USP13: variants seen among roughly 807,000 people sequenced by gnomAD.
USP13 encodes ubiquitin carboxyl-terminal hydrolase 13.
In USP13, 68 loss-of-function variants were observed where a neutral mutation model predicts 107.8. That is an observed-to-expected ratio of 0.63 (90% CI 0.52 to 0.77). The LOEUF is 0.77. Among genes scored for constraint, USP13 ranks in the 30% least tolerant of loss-of-function variants. The pLI, the probability that USP13 is intolerant of heterozygous loss-of-function variation, is 0.00. For missense variants in USP13, 945 were observed against 1,093.3 expected (o/e 0.86, Z 1.91); for synonymous variants, 377 against 389.5 (o/e 0.97, Z 0.38).
At chr3:179,740,038 C>T (rs1056076190) in intron 10 of USP13, among the ~76,000 whole-genome samples, 1 of 152,140 alleles carries the variant, frequency 6.6e-6, no homozygotes, top group Non-Finnish European at 1.5e-5. Context: ...GGAAGAGTCT[C>T]ATCCTGTGTT....
At chr3:179,744,918 AG>A (rs1222085584) in intron 12 of USP13, 124 bp from the exon 13 acceptor site, 1 of 1,181,868 alleles carries the variant, frequency 8.5e-7, no homozygotes, top group Non-Finnish European at 1.2e-6. Context: ...GGCTCTGTAA[AG>A]GGCGACAAAT....
intron 19 of USP13, among the ~76,000 whole-genome samples, chr3:179,774,074 A>T (rs544704875): frequency 2.5e-4 from 38 of 152,198 alleles, no homozygotes; most frequent in Non-Finnish European, 5.1e-4. Flanking sequence ...TCTGCTTTTG[A>T]AGAGGCCTTA....
Position 179,770,594 on chromosome 3 carries a change from G to C in USP13, c.2413+4746G>C, listed in dbSNP as rs192090378. Among the ~76,000 whole-genome samples, 14 of 151,154 alleles carry C rather than the reference G, an allele frequency of 9.3e-5. No individual in the cohort carries two copies. In the East Asian group the frequency reaches 2.7e-3, roughly 29 times the overall value. ...TTTTCTGGTTGGTGAATTGACTGAGGTATATGACTTGAGAATTTTTTTTTT... is the reference window on the plus strand; with the variant it reads ...TTTTCTGGTTGGTGAATTGACTGAGCTATATGACTTGAGAATTTTTTTTTT... On this transcript the variant is annotated intron_variant, in intron 19 of 20. Transcript: ENST00000263966.
chr3:179,702,144 C>A (rs540481586), intron 4 of USP13, among the ~76,000 whole-genome samples: 7 of 152,240 alleles, frequency 4.6e-5, no homozygotes, highest in Non-Finnish European at 8.8e-5. Flanking sequence ...CTCAGCCTCC[C>A]GAGTAGCTGG....
chr3:179,742,230 GT>G lies in USP13; in HGVS notation c.1419del (p.Arg474ValfsTer25). On this transcript the variant is annotated frameshift_variant, in exon 12 of 21. Coordinates refer to ENST00000263966, the MANE Select transcript of USP13 (RefSeq NM_003940.3). LOFTEE classifies it high-confidence loss of function. The surrounding 1 kb of genome is among the most constrained non-coding windows in gnomAD (Gnocchi z 5.0). ...NRIGSENPSD[V>X]FRFLVEERIQ... The stretch of plus-strand genomic sequence containing the variant: ...CATCGGCTCAGAAAACCCAAGCGAT[GT>G]TTTTCGTTTTTTGGTGGAAGAACGC... 1 of 1,614,224 alleles carries G rather than the reference GT, an allele frequency of 6.2e-7. No homozygotes were observed. Among genetic ancestry groups the G allele is most frequent in the Non-Finnish European group, 8.5e-7 (1 of 1,180,048 alleles).
chr3:179,777,033 T>C (rs1186012538), intron 19 of USP13, among the ~76,000 whole-genome samples: 1 of 152,122 alleles, frequency 6.6e-6, no homozygotes, highest in Admixed American at 6.5e-5. Context: ...TTCTCTTTTG[T>C]TGTTGTTTCC....
At chr3:179,773,979 T>C (rs868663764) in intron 19 of USP13, among the ~76,000 whole-genome samples, 1 of 152,142 alleles carries the variant, frequency 6.6e-6, no homozygotes, top group African/African-American at 2.4e-5. Context: ...TGTAAGAGAA[T>C]ACCTGAGAGT....
In USP13 at chr3:179,721,662, C is replaced by T. The variant is rs976584446; in HGVS notation, c.1088+73C>T. The T allele has an allele frequency of 2.1e-5, 31 of 1,491,760 alleles. No homozygotes were observed. Among genetic ancestry groups the T allele is most frequent in the South Asian group, 5.2e-5 (4 of 77,262 alleles). The allele number at this position is 1,491,760 out of a possible 1,614,324, so 92.4% of individuals were successfully genotyped here. On this transcript the variant is annotated intron_variant, in intron 8 of 20. Coordinates refer to ENST00000263966, the MANE Select transcript of USP13 (RefSeq NM_003940.3). This position sits in a 1 kb window ranked among gnomAD's most constrained non-coding sequence, Gnocchi z 4.3. ...ATCTAGGTCCAGTCCACTCAGTGTG[C>T]GCTGCGAAGCCCATCTTTATTGCTT...
At chr3:179,677,896 CAG>C (rs1176026022) in intron 1 of USP13, among the ~76,000 whole-genome samples, 2 of 152,084 alleles carry the variant, frequency 1.3e-5, no homozygotes, top group African/African-American at 4.8e-5. Flanking sequence ...TAAAATGATT[CAG>C]ATAATGAGAT....
At chr3:179,744,979 G>A in intron 12 of USP13, 64 bp from the exon 13 acceptor site, 1 of 1,592,962 alleles carries the variant, frequency 6.3e-7, no homozygotes, top group African/African-American at 1.3e-5. Context: ...TGTCCAAAGA[G>A]GGTGCTTTTC....
At chr3:179,752,710 G>A (rs990236575) in intron 14 of USP13, among the ~76,000 whole-genome samples, 4 of 152,210 alleles carry the variant, frequency 2.6e-5, no homozygotes, top group Admixed American at 1.3e-4. Flanking sequence ...GGGCAGGTCT[G>A]GAGTGGGCCT....
At chr3:179,672,390 CTT>C (rs1231843720) in intron 1 of USP13, among the ~76,000 whole-genome samples, 15 of 139,358 alleles carry the variant, frequency 1.1e-4, no homozygotes, top group Non-Finnish European at 3.1e-5. Flanking sequence ...CTTTTTTTTT[CTT>C]TTTTTTTTTT....
At position 179,782,337 on chromosome 3, in the gene USP13, T is replaced by C. The variant is rs528549045; in HGVS notation, c.2498+514T>C. Among the ~76,000 whole-genome samples the C allele has an allele frequency of 3.5e-4, 54 of 152,372 alleles. No homozygotes were observed. In the South Asian group the frequency reaches 8.3e-3, roughly 23 times the overall value. Reference sequence around the variant, plus strand: ...TACTCAGATGTAACTGGGTAACCTGTGTTTTATCTGGCAGCTCTAAACCTT... The same window carrying C: ...TACTCAGATGTAACTGGGTAACCTGCGTTTTATCTGGCAGCTCTAAACCTT... On this transcript the variant is annotated intron_variant, in intron 20 of 20. Coordinates refer to ENST00000263966, the MANE Select transcript of USP13 (RefSeq NM_003940.3).
chr3:179,675,687 A>T (rs1360412295), intron 1 of USP13, among the ~76,000 whole-genome samples: 2 of 151,964 alleles, frequency 1.3e-5, no homozygotes, highest in Non-Finnish European at 2.9e-5. Flanking sequence ...AGCTGGGACT[A>T]GAAGCGTGTT....
intron 1 of USP13, among the ~76,000 whole-genome samples, chr3:179,673,954 G>A (rs1720819185): frequency 2.0e-5 from 3 of 152,128 alleles, no homozygotes; most frequent in South Asian, 4.1e-4. Flanking sequence ...GTGCAATGGC[G>A]CGATCTTGGC....
At chr3:179,772,805 G>C (rs889710325) in intron 19 of USP13, among the ~76,000 whole-genome samples, 3 of 152,212 alleles carry the variant, frequency 2.0e-5, no homozygotes, top group Non-Finnish European at 4.4e-5. Flanking sequence ...GTAACCGAGA[G>C]ACTGGTAATT....
At chr3:179,705,748 G>T (rs181290111) in intron 4 of USP13, among the ~76,000 whole-genome samples, 1 of 151,754 alleles carries the variant, frequency 6.6e-6, no homozygotes, top group Non-Finnish European at 1.5e-5. Context: ...TTGAGACAGG[G>T]TTTCTCTCCT....
chr3:179,662,936 C>A (rs999577956), intron 1 of USP13, among the ~76,000 whole-genome samples: 2 of 152,108 alleles, frequency 1.3e-5, no homozygotes, highest in Non-Finnish European at 2.9e-5. Flanking sequence ...TGGTATCATC[C>A]ATTCTACCTC....
intron 17 of USP13, among the ~76,000 whole-genome samples, chr3:179,762,663 T>G (rs1353710666): frequency 6.6e-6 from 1 of 152,174 alleles, no homozygotes; most frequent in Admixed American, 6.5e-5. Context: ...TCATGGACAT[T>G]TGGGTTATTT....
Sources: allele counts gnomAD v4.1 joint callset (sites outside exome capture counted in the v4.1 genomes callset), GRCh38; gene constraint gnomAD v4.1.1; non-coding constraint Gnocchi (gnomAD v3.1); transcripts MANE v1.5; gene names NCBI Gene and HGNC (gene_info 2026-07-23, HGNC 2026-07-21).